The following CYBB variants were observed in gnomAD, a reference collection of about 807,000 sequenced individuals.
CYBB encodes cytochrome b-245 beta chain, also known as NADPH oxidase 2.
Under a neutral mutation model 46.5 loss-of-function variants are expected in CYBB, and 5 were observed. The observed-to-expected ratio is 0.11, with a 90% CI of 0.06 to 0.23. The LOEUF is 0.23. CYBB is among the 10% of genes least tolerant of loss of function. The pLI, the probability that CYBB is intolerant of heterozygous loss-of-function variation, is 1.00. For synonymous variants in CYBB, 183 were observed against 156.7 expected (o/e 1.17, Z -1.26); for missense variants, 307 against 428.3 (o/e 0.72, Z 2.50).
At position 37,810,974 on chromosome X, in the gene CYBB, G is replaced by T. The variant is rs1929662512; in HGVS notation, c.*57G>T. 1 of 1,076,488 alleles carries T rather than the reference G, an allele frequency of 9.3e-7. No individual in the cohort carries two copies. The highest frequency in any genetic ancestry group is 1.8e-5 in the African/African-American group (1 of 54,973). 88.7% of individuals were successfully genotyped at this position (1,076,488 alleles called of 1,213,427 possible). ...TTGTGCTGCCAAATGCTCAAATAAT[G>T]CTAATTGATAATATAAATACCCCCT... is the stretch of plus-strand genomic sequence containing the variant. On this transcript the variant is annotated 3_prime_UTR_variant, in exon 13 of 13. Coordinates refer to ENST00000378588, the MANE Select transcript of CYBB (RefSeq NM_000397.4).
intron 3 of CYBB, among the ~76,000 whole-genome samples, chrX:37,787,085 A>G (rs1400511541): frequency 8.9e-6 from 1 of 112,102 alleles, no homozygotes. Flanking sequence ...ATTAAGTTAT[A>G]GATAGGCCAT....
rs1272004774 is a variant in CYBB at position 37,812,850 on chromosome X, T to C, written c.*1933T>C. The C allele has an allele frequency of 1.8e-5, 2 of 112,243 alleles. No individual in the cohort carries two copies. Among genetic ancestry groups the C allele is most frequent in the African/African-American group, 6.5e-5 (2 of 30,820 alleles). The allele number at this position is 112,243 out of a possible 1,213,427, so 9.3% of individuals were successfully genotyped here. A position where few individuals can be genotyped will look rare whatever the true frequency, so the allele number is the denominator to read the frequency against. Reference sequence around the variant, plus strand: ...ACACTGCACCTCAGGTATCAATTCATCTATTCAACAGATATTTATTGTGTT... The same window carrying C: ...ACACTGCACCTCAGGTATCAATTCACCTATTCAACAGATATTTATTGTGTT... On this transcript the variant is annotated 3_prime_UTR_variant, in exon 13 of 13. Coordinates refer to ENST00000378588, the MANE Select transcript of CYBB (RefSeq NM_000397.4).
chrX:37,801,310 C>G lies in CYBB; in HGVS notation c.859C>G (p.Arg287Gly). ...TCTGTATCTCTGTGAGAGGTTGGTG[C>G]GGTTTTGGCGATCTCAACAGAAGGT... ...MFLYLCERLV[R>G]FWRSQQKVVI... The change falls in exon 8 of 13, where the codon CGG becomes GGG. Residue 287 changes from arginine (R) to glycine (G), a missense_variant. Physicochemically the swap from Arg to Gly is moderately radical, Grantham distance 125. Transcript: ENST00000378588. 1 of 1,207,240 alleles carries G rather than the reference C, an allele frequency of 8.3e-7. No individual in the cohort carries two copies.
intron 3 of CYBB, among the ~76,000 whole-genome samples, chrX:37,789,524 AG>A (rs1929148350): frequency 1.9e-5 from 2 of 105,933 alleles, no homozygotes; most frequent in South Asian, 4.0e-4. Context: ...AAAGAAAGAA[AG>A]AAAATAAATA....
intron 5 of CYBB, 73 bp downstream of exon 5, chrX:37,793,883 G>A: frequency 9.8e-7 from 1 of 1,025,155 alleles, no homozygotes. Flanking sequence ...AGTGAGTGAA[G>A]ACCTCTCCTT....
At position 37,806,485 on chromosome X, in the gene CYBB, C is replaced by T. The variant is rs782094378; in HGVS notation, c.1413C>T (p.Ala471=). ...LESQMQERNN[A]GFLSYNIYLT... ...GCCAGATGCAGGAAAGGAACAATGC[C>T]GGCTTCCTCAGCTACAACATCTACC... The change falls in exon 11 of 13, where the codon GCC becomes GCT. Residue 471 remains alanine (A), a synonymous_variant. Transcript: ENST00000378588. 4.1e-5 allele frequency: 49 copies of T among 1,209,078 alleles called. No homozygotes were observed. The highest frequency in any genetic ancestry group is 5.0e-5 in the Non-Finnish European group (45 of 894,704).
At chrX:37,802,662 T>C (rs1929469916) in intron 8 of CYBB, among the ~76,000 whole-genome samples, 1 of 112,146 alleles carries the variant, frequency 8.9e-6, no homozygotes, top group Admixed American at 9.4e-5. Context: ...GAAGGGAAGT[T>C]TGTTATAGTT....
At chrX:37,783,702 G>A (rs1929002771) in intron 3 of CYBB, 102 bp downstream of exon 3, 1 of 562,543 alleles carries the variant, frequency 1.8e-6, no homozygotes, top group East Asian at 3.5e-5. Context: ...GAGGATTCCA[G>A]CTTCTGTAGA....
intron 6 of CYBB, 74 bp from the exon 7 acceptor site, chrX:37,798,881 T>C: frequency 9.5e-7 from 1 of 1,052,922 alleles, no homozygotes; most frequent in Non-Finnish European, 1.3e-6. Context: ...GCACTTAAAA[T>C]ATATGCAGAA....
chrX:37,809,683 A>G lies in CYBB; in HGVS notation c.1578A>G (p.Gln526=), dbSNP rs782320283. The G allele has an allele frequency of 4.1e-6, 5 of 1,209,797 alleles. No individual in the cohort carries two copies. Among genetic ancestry groups the G allele is most frequent in the Middle Eastern group, 2.3e-4 (1 of 4,352 alleles). ...ATGAATTCAAGACAATTGCAAGTCA[A>G]CACCCTAAGTAAGGAGTCTGTCACC... ...WDNEFKTIAS[Q]HPNTRIGVFL... Residue 526 remains glutamine (Q), a synonymous_variant, in exon 12 of 13, where the codon CAA becomes CAG. Transcript: ENST00000378588.
At chrX:37,792,411 G>A (rs1400956010) in intron 4 of CYBB, among the ~76,000 whole-genome samples, 6 of 110,847 alleles carry the variant, frequency 5.4e-5, no homozygotes, top group Non-Finnish European at 1.1e-4. Context: ...TTGGTTGCAT[G>A]TGTGAATTTG....
At chrX:37,804,916 A>G (rs1929524085) in intron 9 of CYBB, 90 bp from the exon 10 acceptor site, 12 of 913,939 alleles carry the variant, frequency 1.3e-5, no homozygotes, top group East Asian at 3.1e-5. Flanking sequence ...TTGAATTAAC[A>G]TGTTGCACAT....
chrX:37,806,549 C>T lies in CYBB; in HGVS notation c.1461+16C>T. 8.3e-7 allele frequency: 1 copy of T among 1,202,081 alleles called. No individual in the cohort carries two copies. On this transcript the variant is annotated intron_variant, in intron 11 of 12. Coordinates refer to ENST00000378588, the MANE Select transcript of CYBB (RefSeq NM_000397.4). ...TGAGTCTCAGGTAAGGACAAGACTC[C>T]AAGGCTCAGGTCCTTCCCATAGTGT...
intron 5 of CYBB, among the ~76,000 whole-genome samples, chrX:37,794,277 T>C (rs1255650979): frequency 2.7e-5 from 3 of 111,939 alleles, no homozygotes; most frequent in Non-Finnish European, 5.7e-5. Context: ...AAGGATTTTC[T>C]CTGGATCAGT....
chrX:37,800,757 C>A (rs1322895563), intron 7 of CYBB, among the ~76,000 whole-genome samples: 1 of 112,011 alleles, frequency 8.9e-6, no homozygotes, highest in African/African-American at 3.2e-5. Flanking sequence ...TGCATACTCC[C>A]AGAATTTCTC....
At chrX:37,800,424 T>G (rs1929411850) in intron 7 of CYBB, among the ~76,000 whole-genome samples, 1 of 111,763 alleles carries the variant, frequency 8.9e-6, no homozygotes. Context: ...TTTCCAACAG[T>G]AAGTTTCCTA....
Position 37,811,501 on chromosome X carries a change from A to G in CYBB, c.*584A>G, listed in dbSNP as rs1454473492. 8.6e-6 allele frequency: 1 copy of G among 116,427 alleles called. No individual in the cohort carries two copies. The highest frequency in any genetic ancestry group is 1.8e-5 in the Non-Finnish European group (1 of 55,992). The allele number at this position is 116,427 out of a possible 1,213,427, so 9.6% of individuals were successfully genotyped here. On this transcript the variant is annotated 3_prime_UTR_variant, in exon 13 of 13. Coordinates refer to ENST00000378588, the MANE Select transcript of CYBB (RefSeq NM_000397.4). ...TTAGTGACAGTATTGACATCTGAGC[A>G]TACTCCAGTTTACTAATACAGCAGG...
chrX:37,781,681 T>C (rs1928954900), intron 1 of CYBB, among the ~76,000 whole-genome samples: 1 of 110,825 alleles, frequency 9.0e-6, no homozygotes, highest in Non-Finnish European at 1.9e-5. Context: ...GATTAGCACC[T>C]GTGAGAACAG....
intron 4 of CYBB, among the ~76,000 whole-genome samples, chrX:37,792,314 A>G (rs1436602219): frequency 9.0e-6 from 1 of 111,363 alleles, no homozygotes; most frequent in African/African-American, 3.3e-5. Context: ...AGAAAAGTCA[A>G]TCCTAGTGTC....
Sources: allele counts gnomAD v4.1 joint callset (sites outside exome capture counted in the v4.1 genomes callset), GRCh38; gene constraint gnomAD v4.1.1; transcripts MANE v1.5; gene names NCBI Gene and HGNC (gene_info 2026-07-23, HGNC 2026-07-21).